The following PTPRS variants were observed in gnomAD, a reference collection of about 807,000 sequenced individuals.
The protein encoded by PTPRS is receptor-type tyrosine-protein phosphatase S.
In PTPRS, 63 loss-of-function variants were observed where a neutral mutation model predicts 215.3. The ratio of observed to expected loss-of-function variants is 0.29; its 90% CI spans 0.24 to 0.36. PTPRS has a LOEUF of 0.36. Ranked by LOEUF, PTPRS falls within the 10% of genes least tolerant of loss-of-function variation. The probability of loss-of-function intolerance (pLI) is 1.00; values close to 1 mark genes in which losing one functional copy is unlikely to be tolerated. For synonymous variants in PTPRS, 1,404 were observed against 1,191.4 expected, an observed-to-expected ratio of 1.18 and a Z score of -3.68; for missense variants, 2,258 against 2,825.8, an observed-to-expected ratio of 0.80 and a Z score of 4.56.
In PTPRS at chr19:5,220,254, C is replaced by T; in HGVS notation, c.3549+6G>A. 1.9e-6 allele frequency: 3 copies of T among 1,613,648 alleles called. No individual in the cohort carries two copies. Among genetic ancestry groups the T allele is most frequent in the Non-Finnish European group, 1.7e-6 (2 of 1,179,772 alleles). On this transcript the variant is annotated splice_donor_region_variant and intron_variant, in intron 21 of 37. Transcript: ENST00000262963. ...GGGCCCTGCGGGTTGGGCCCCAGGCCCTCACCTCTTCCAGATCCATGTCCT... is the reference window on the plus strand; with the variant it reads ...GGGCCCTGCGGGTTGGGCCCCAGGCTCTCACCTCTTCCAGATCCATGTCCT...
chr19:5,223,539 C>T (rs1034786664), intron 17 of PTPRS, among the ~76,000 whole-genome samples: 4 of 146,554 alleles, frequency 2.7e-5, no homozygotes, highest in African/African-American at 5.1e-5. Flanking sequence ...TATAAGGCCA[C>T]TGCACCCAGC....
At chr19:5,305,390 T>C (rs2147116438) in intron 1 of PTPRS, among the ~76,000 whole-genome samples, 1 of 151,602 alleles carries the variant, frequency 6.6e-6, no homozygotes, top group East Asian at 2.0e-4. Context: ...TACAAAAAAA[T>C]ACAAAAATTA....
In PTPRS at chr19:5,223,143, G is replaced by A. The variant is rs1392750815; in HGVS notation, c.2649C>T (p.Phe883=). ...EDSTPLATLE[F]PPSEDRYTAS... is the part of the protein sequence containing the mutation. ...CCGTGTAGCGGTCCTCGGAGGGCGGGAACTCCAGGGTGGCCAGGGGCGTCG... is the reference window on the plus strand; with the variant it reads ...CCGTGTAGCGGTCCTCGGAGGGCGGAAACTCCAGGGTGGCCAGGGGCGTCG... Residue 883 remains phenylalanine (F), a synonymous_variant, in exon 18 of 38, where the codon TTC becomes TTT. Transcript: ENST00000262963. 6.4e-7 allele frequency: 1 copy of A among 1,571,828 alleles called. No homozygotes were observed. Among genetic ancestry groups the A allele is most frequent in the South Asian group, 1.2e-5 (1 of 85,870 alleles).
chr19:5,238,105 C>T (rs780789854), intron 13 of PTPRS, among the ~76,000 whole-genome samples: 21 of 152,110 alleles, frequency 1.4e-4, no homozygotes, highest in Non-Finnish European at 1.6e-4. Flanking sequence ...GAGACCACGC[C>T]GGTGGAGGCC....
rs1381769313 is a variant in PTPRS at position 5,287,845 on chromosome 19, C to T, written c.-94-1611G>A. On this transcript the variant is annotated intron_variant, in intron 1 of 37. Transcript: ENST00000262963. This position sits in a 1 kb window ranked among gnomAD's most constrained non-coding sequence, Gnocchi z 4.8. ...CCTGCTAAATCACGCCACAGACATACACAGATGCACACAGTCAAACCACCG... is the reference window on the plus strand; with the variant it reads ...CCTGCTAAATCACGCCACAGACATATACAGATGCACACAGTCAAACCACCG... 6.6e-6 allele frequency among the ~76,000 whole-genome samples: 1 copy of T among 152,110 alleles called. No homozygotes were observed. Among genetic ancestry groups the T allele is most frequent in the African/African-American group, 2.4e-5 (1 of 41,416 alleles).
chr19:5,340,567 G>T (rs1374418401), intron 1 of PTPRS, 97 bp downstream of exon 1: 1 of 151,386 alleles, frequency 6.6e-6, no homozygotes, highest in Non-Finnish European at 1.5e-5. Context: ...GCACAAAGCC[G>T]GCGCGCTGCC....
At position 5,294,618 on chromosome 19, in the gene PTPRS, A is replaced by T. The variant is rs1164427823; in HGVS notation, c.-94-8384T>A. 1 of 152,118 alleles carries T rather than the reference A, an allele frequency of 6.6e-6. No individual in the cohort carries two copies. The highest frequency in any genetic ancestry group is 1.9e-4 in the East Asian group (1 of 5,186). The allele number at this position is 152,118 out of a possible 1,614,324, so 9.4% of individuals were successfully genotyped here. A position where few individuals can be genotyped will look rare whatever the true frequency, so the allele number is the denominator to read the frequency against. On this transcript the variant is annotated intron_variant, in intron 1 of 37. Coordinates refer to ENST00000262963, the MANE Select transcript of PTPRS (RefSeq NM_002850.4). This position sits in a 1 kb window ranked among gnomAD's most constrained non-coding sequence, Gnocchi z 5.1. ...GTCCATGCCCTCCCACTGCTACCTC[A>T]GTGGCTGGCTCCCATCTCCTTCAAA...
Position 5,237,782 on chromosome 19 carries a change from C to T in PTPRS, c.1849+1137G>A, listed in dbSNP as rs972259190. 7.9e-5 allele frequency among the ~76,000 whole-genome samples: 12 copies of T among 152,102 alleles called. No homozygotes were observed. The highest frequency in any genetic ancestry group is 2.9e-4 in the African/African-American group (12 of 41,426). On this transcript the variant is annotated intron_variant, in intron 13 of 37. Coordinates refer to ENST00000262963, the MANE Select transcript of PTPRS (RefSeq NM_002850.4). The surrounding 1 kb of genome is among the most constrained non-coding windows in gnomAD (Gnocchi z 4.2). Reference sequence around the variant, plus strand: ...TCCACCTCACACAGACGCGCCCAGACGCCTTGGAGCCGCCAGGTGCTCAGC... The same window carrying T: ...TCCACCTCACACAGACGCGCCCAGATGCCTTGGAGCCGCCAGGTGCTCAGC...
intron 1 of PTPRS, among the ~76,000 whole-genome samples, chr19:5,337,356 G>A (rs1568629273): frequency 6.6e-6 from 1 of 152,200 alleles, no homozygotes; most frequent in African/African-American, 2.4e-5. Context: ...GCGGGGCCAC[G>A]GGGCGCTCGG....
At chr19:5,229,762 G>T in intron 14 of PTPRS, 78 bp from the exon 15 acceptor site, 1 of 921,542 alleles carries the variant, frequency 1.1e-6, no homozygotes, top group Non-Finnish European at 1.4e-6. Context: ...CAGTGCCACT[G>T]TCCGATTCCA....
intron 1 of PTPRS, among the ~76,000 whole-genome samples, chr19:5,297,276 A>G (rs1786029120): frequency 6.6e-6 from 1 of 152,224 alleles, no homozygotes; most frequent in South Asian, 2.1e-4. Flanking sequence ...TTTTCTTCTA[A>G]TTATAAAATA....
Position 5,244,004 on chromosome 19 carries a change from G to T in PTPRS, c.1467C>A (p.Gly489=). The change falls in exon 11 of 38, where the codon GGC becomes GGA. Residue 489 remains glycine, a synonymous_variant. Transcript: ENST00000262963. This position sits in a 1 kb window ranked among gnomAD's most constrained non-coding sequence, Gnocchi z 7.2. ...TGTAGGTCTCGTCCTCCAGCAGGCT[G>T]CCCACGGTGGTCAGCAGGCTGTCGT... ...NVDDSLLTTV[G]SLLEDETYTV... is the part of the protein sequence containing the mutation. 1 of 1,496,914 alleles carries T rather than the reference G, an allele frequency of 6.7e-7. No individual in the cohort carries two copies. The allele number at this position is 1,496,914 out of a possible 1,614,324, so 92.7% of individuals were successfully genotyped here. A position where few individuals can be genotyped will look rare whatever the true frequency, so the allele number is the denominator to read the frequency against.
rs1345200538 is a variant in PTPRS at position 5,237,287 on chromosome 19, A to C, written c.1849+1632T>G. Among the ~76,000 whole-genome samples, 1 of 152,014 alleles carries C rather than the reference A, an allele frequency of 6.6e-6. No individual in the cohort carries two copies. Among genetic ancestry groups the C allele is most frequent in the Non-Finnish European group, 1.5e-5 (1 of 67,974 alleles). On this transcript the variant is annotated intron_variant, in intron 13 of 37. Transcript: ENST00000262963. The surrounding 1 kb of genome is among the most constrained non-coding windows in gnomAD (Gnocchi z 4.2). ...CCTGTGTTCAGCCTAAGGAGCCCGCAGTCCCCGGGGGGATGGATACGCCTG... is the reference window on the plus strand; with the variant it reads ...CCTGTGTTCAGCCTAAGGAGCCCGCCGTCCCCGGGGGGATGGATACGCCTG...
At chr19:5,325,983 C>T (rs1197804487) in intron 1 of PTPRS, among the ~76,000 whole-genome samples, 1 of 152,212 alleles carries the variant, frequency 6.6e-6, no homozygotes, top group African/African-American at 2.4e-5. Flanking sequence ...GTAATCCCAG[C>T]ACCTGGGGAG....
intron 1 of PTPRS, among the ~76,000 whole-genome samples, chr19:5,310,488 T>C (rs1568604285): frequency 6.6e-6 from 1 of 151,810 alleles, no homozygotes; most frequent in Admixed American, 6.6e-5. Flanking sequence ...CAGCTAATTT[T>C]TGTATTTTTA....
chr19:5,228,741 A>C (rs899404542), intron 16 of PTPRS, among the ~76,000 whole-genome samples: 1 of 152,210 alleles, frequency 6.6e-6, no homozygotes, highest in African/African-American at 2.4e-5. Context: ...AGAGGTAGCA[A>C]CTTGCCCCAA....
In PTPRS at chr19:5,243,986, C is replaced by A; in HGVS notation, c.1485G>T (p.Glu495Asp). The part of the protein sequence containing the change: ...LTTVGSLLED[E>D]TYTVRVLAFT... Reference sequence around the variant, plus strand: ...AGGCGAGCACCCGCACGGTGTAGGTCTCGTCCTCCAGCAGGCTGCCCACGG... The same window carrying A: ...AGGCGAGCACCCGCACGGTGTAGGTATCGTCCTCCAGCAGGCTGCCCACGG... Residue 495 changes from glutamate to aspartate, a missense_variant, in exon 11 of 38, where the codon GAG (glutamate) becomes GAT (aspartate). Coordinates refer to ENST00000262963, the MANE Select transcript of PTPRS (RefSeq NM_002850.4). The A allele has an allele frequency of 6.2e-7, 1 of 1,603,812 alleles. No individual in the cohort carries two copies. The highest frequency in any genetic ancestry group is 8.5e-7 in the Non-Finnish European group (1 of 1,179,820).
intron 16 of PTPRS, among the ~76,000 whole-genome samples, chr19:5,227,674 T>C (rs901991982): frequency 6.6e-6 from 1 of 152,158 alleles, no homozygotes; most frequent in Non-Finnish European, 1.5e-5. Flanking sequence ...CCTCCCAAAG[T>C]GCTGGGATTA....
At chr19:5,318,585 C>A (rs1174459366) in intron 1 of PTPRS, among the ~76,000 whole-genome samples, 1 of 152,048 alleles carries the variant, frequency 6.6e-6, no homozygotes, top group Non-Finnish European at 1.5e-5. Flanking sequence ...GAAAGGCACA[C>A]AGAGCTGTTC....
Sources: gnomAD v4.1 joint callset for allele counts (sites outside exome capture counted in the v4.1 genomes callset) on GRCh38, gnomAD v4.1.1 for gene constraint, Gnocchi (gnomAD v3.1) non-coding constraint, MANE v1.5 for transcripts, NCBI Gene and HGNC (gene_info 2026-07-23, HGNC 2026-07-21) for gene names.